The following ERCC6L2 variants were observed in gnomAD, a reference collection of about 807,000 sequenced individuals.
The protein encoded by ERCC6L2 is ERCC excision repair 6 like 2, also known as DNA excision repair protein ERCC-6-like 2.
Under a neutral mutation model 132.0 loss-of-function variants are expected in ERCC6L2, and 77 were observed. That is an observed-to-expected ratio of 0.58 (90% CI 0.49 to 0.71). ERCC6L2 has a LOEUF of 0.71. Ranked by LOEUF, ERCC6L2 falls within the 30% of genes least tolerant of loss-of-function variation. The pLI, the probability that ERCC6L2 is intolerant of heterozygous loss-of-function variation, is 0.00. For missense variants in ERCC6L2, 1,542 were observed against 1,837.6 expected, an observed-to-expected ratio of 0.84 and a Z score of 2.94; for synonymous variants, 583 against 632.4, an observed-to-expected ratio of 0.92 and a Z score of 1.17.
intron 19 of ERCC6L2, among the ~76,000 whole-genome samples, chr9:96,025,036 G>A (rs1484807628): frequency 6.6e-6 from 1 of 152,058 alleles, no homozygotes; most frequent in Admixed American, 6.5e-5. Context: ...TCCTACCAGT[G>A]TCCTAGTTCC....
At chr9:95,908,108 T>G (rs923481377) in intron 4 of ERCC6L2, among the ~76,000 whole-genome samples, 1 of 152,150 alleles carries the variant, frequency 6.6e-6, no homozygotes, top group Non-Finnish European at 1.5e-5. Context: ...AGAGCCAAGC[T>G]GAATGGAGAA....
chr9:95,917,386 C>T (rs148612803), intron 6 of ERCC6L2, among the ~76,000 whole-genome samples: 1 of 152,210 alleles, frequency 6.6e-6, no homozygotes, highest in African/African-American at 2.4e-5. Flanking sequence ...TGGAACTAAA[C>T]CTAATTAATG....
intron 14 of ERCC6L2, 24 bp from the exon 15 acceptor site, chr9:95,970,552 C>T: frequency 7.8e-7 from 1 of 1,283,818 alleles, no homozygotes; most frequent in Middle Eastern, 2.2e-4. Flanking sequence ...TAGCTATTTG[C>T]ATTCTTTCTT....
At chr9:95,928,202 A>G (rs371968828) in intron 10 of ERCC6L2, 52 bp downstream of exon 10, 68 of 1,260,750 alleles carry the variant, frequency 5.4e-5, no homozygotes, top group Non-Finnish European at 7.9e-5. Context: ...CTTTTGAGGC[A>G]TAAAGAATAA....
chr9:95,879,664 T>C (rs1827485679), intron 1 of ERCC6L2, among the ~76,000 whole-genome samples: 1 of 152,236 alleles, frequency 6.6e-6, no homozygotes, highest in African/African-American at 2.4e-5. Context: ...TCTGTACTCA[T>C]TATTGTTATG....
At chr9:95,957,783 T>G (rs945488719) in intron 13 of ERCC6L2, among the ~76,000 whole-genome samples, 2 of 151,998 alleles carry the variant, frequency 1.3e-5, no homozygotes, top group African/African-American at 2.4e-5. Flanking sequence ...GGTTTAAAGA[T>G]AGTTTGGAAT....
intron 1 of ERCC6L2, among the ~76,000 whole-genome samples, chr9:95,879,597 G>C (rs1266296461): frequency 6.6e-6 from 1 of 152,166 alleles, no homozygotes; most frequent in Non-Finnish European, 1.5e-5. Flanking sequence ...TTAGAATGGT[G>C]TAACAGTTGT....
intron 11 of ERCC6L2, among the ~76,000 whole-genome samples, chr9:95,934,638 A>T (rs914996419): frequency 1.3e-5 from 2 of 152,136 alleles, no homozygotes; most frequent in Admixed American, 1.3e-4. Context: ...GACTTTCAGA[A>T]TCATACACTA....
intron 17 of ERCC6L2, among the ~76,000 whole-genome samples, chr9:96,000,009 C>T (rs994514512): frequency 2.6e-5 from 4 of 151,774 alleles, no homozygotes; most frequent in African/African-American, 9.7e-5. Flanking sequence ...TTGTCTCAGC[C>T]TCCCGAGTAG....
At chr9:96,025,201 G>T (rs937249289) in intron 19 of ERCC6L2, among the ~76,000 whole-genome samples, 1 of 152,182 alleles carries the variant, frequency 6.6e-6, no homozygotes, top group African/African-American at 2.4e-5. Context: ...GTGGCGTGGT[G>T]TCGAAGCTCA....
intron 12 of ERCC6L2, among the ~76,000 whole-genome samples, chr9:95,949,424 AAG>A (rs534616820): frequency 1.9e-4 from 29 of 152,320 alleles, no homozygotes; most frequent in African/African-American, 6.7e-4. Flanking sequence ...ACTGTCCACA[AAG>A]AGAGCATCTT....
chr9:95,940,179 C>G (rs1830732575), intron 11 of ERCC6L2, among the ~76,000 whole-genome samples: 1 of 152,168 alleles, frequency 6.6e-6, no homozygotes, highest in South Asian at 2.1e-4. Context: ...GGGTAGAAGT[C>G]TAGCATCCTC....
Position 96,016,910 on chromosome 9 carries a change from G to GTGTT in ERCC6L2, c.*3726_*3729dup, listed in dbSNP as rs553580223. On this transcript the variant is annotated 3_prime_UTR_variant, in exon 19 of 19. Coordinates refer to ENST00000653738, the MANE Select transcript of ERCC6L2 (RefSeq NM_020207.7). ...CTGCCTGCCTTAAAGGTTTTTTTGT[G>GTGTT]TGTTTGTTTGTTTGTTTGTTTGCAT... Among the ~76,000 whole-genome samples, 371 of 143,080 alleles carry GTGTT rather than the reference G, an allele frequency of 2.6e-3. 1 individual carries two copies. The highest frequency in any genetic ancestry group is 8.5e-3 in the African/African-American group (346 of 40,882). The allele number at this position is 143,080 out of a possible 152,430, so 93.9% of individuals were successfully genotyped here. A position where few individuals can be genotyped will look rare whatever the true frequency, so the allele number is the denominator to read the frequency against.
rs913409 is a variant in ERCC6L2 at position 96,038,927 on chromosome 9, A to G, written c.*1555A>G. 9.7e-3 allele frequency: 4,416 copies of G among 456,256 alleles called. 188 individuals are homozygous for G. Among genetic ancestry groups the G allele is most frequent in the African/African-American group, 0.081 (4,039 of 50,160 alleles). The allele number at this position is 456,256 out of a possible 1,614,324, so 28.3% of individuals were successfully genotyped here. ...TCTGGAGGAAGCCAGCAGCCATGTC[A>G]TAAGGAAGCTCAAGCAGCCATATGG... On this transcript the variant is annotated 3_prime_UTR_variant and NMD_transcript_variant, in exon 20 of 21. Transcript: ENST00000670016.
At chr9:96,020,989 C>T (rs1229198654), downstream of ERCC6L2, 2 of 456,550 alleles carry the variant, frequency 4.4e-6, no homozygotes, top group Non-Finnish European at 8.8e-6. Context: ...CGGGCCCCGT[C>T]GGACTGTTGG....
At chr9:96,020,699 C>T (rs1342628936), downstream of ERCC6L2, 1 of 440,122 alleles carries the variant, frequency 2.3e-6, no homozygotes, top group African/African-American at 2.0e-5. Context: ...AAGGCTTCCG[C>T]AGCTCAAAAG....
At position 95,922,365 on chromosome 9, in the gene ERCC6L2, A is replaced by G; in HGVS notation, c.1360A>G (p.Lys454Glu). The G allele has an allele frequency of 1.2e-6, 2 of 1,613,700 alleles. No individual in the cohort carries two copies. Among genetic ancestry groups the G allele is most frequent in the Non-Finnish European group, 1.7e-6 (2 of 1,179,700 alleles). Reference protein sequence around the residue: ...LYLSYLTVLQKVANHVALLQA... With the variant: ...LYLSYLTVLQEVANHVALLQA... ...TCTCAGTTACCTTACAGTCCTTCAG[A>G]AGGTAGCTAACCATGTCGCGCTACT... The change falls in exon 8 of 19, where the codon AAG (lysine) becomes GAG (glutamate). Residue 454 changes from lysine (K) to glutamate (E), a missense_variant. Transcript: ENST00000653738.
At position 95,881,216 on chromosome 9, in the gene ERCC6L2, C is replaced by G; in HGVS notation, c.394C>G (p.Arg132Gly). The G allele has an allele frequency of 1.9e-6, 3 of 1,605,658 alleles. No individual in the cohort carries two copies. Among genetic ancestry groups the G allele is most frequent in the Non-Finnish European group, 2.5e-6 (3 of 1,177,960 alleles). ...YLRDYQREGT[R>G]FLYGHYIHGG... ...GAGAGACTACCAAAGAGAAGGAACC[C>G]GGTTTCTTTATGGACACTACATCCA... The change falls in exon 2 of 19, where the codon CGG becomes GGG. Residue 132 changes from arginine to glycine, a missense_variant. By Grantham distance (125) the Arg-to-Gly change is moderately radical. Transcript: ENST00000653738.
chr9:95,876,363 G>C (rs1165319341), intron 1 of ERCC6L2: 1 of 395,838 alleles, frequency 2.5e-6, no homozygotes, highest in Non-Finnish European at 4.5e-6. Flanking sequence ...TTCATTACTA[G>C]GTTCTTGCGA....
Sources: allele counts gnomAD v4.1 joint callset (sites outside exome capture counted in the v4.1 genomes callset), GRCh38; gene constraint gnomAD v4.1.1; transcripts MANE v1.5; gene names NCBI Gene and HGNC (gene_info 2026-07-23, HGNC 2026-07-21).